VTI1A: variants seen among roughly 807,000 people sequenced by gnomAD.
VTI1A encodes vesicle transport through interaction with t-SNAREs homolog 1A.
Under a neutral mutation model 34.9 loss-of-function variants are expected in VTI1A, and 22 were observed. The observed-to-expected ratio is 0.63, with a 90% confidence interval of 0.45 to 0.90. The LOEUF (loss-of-function observed/expected upper bound fraction) is 0.90, where lower values mean the gene tolerates loss of function less well. Ranked by LOEUF, VTI1A falls within the 40% of genes least tolerant of loss-of-function variation. The probability of loss-of-function intolerance (pLI) is 0.00; values close to 1 mark genes in which losing one functional copy is unlikely to be tolerated. For missense variants in VTI1A, 268 were observed against 275.6 expected, an observed-to-expected ratio of 0.97 and a Z score of 0.20; for synonymous variants, 87 against 97.3, an observed-to-expected ratio of 0.89 and a Z score of 0.62.
At chr10:112,551,888 A>C (rs893752050) in intron 5 of VTI1A, among the ~76,000 whole-genome samples, 1 of 152,206 alleles carries the variant, frequency 6.6e-6, no homozygotes, top group Non-Finnish European at 1.5e-5. Flanking sequence ...GCTAACATTC[A>C]TCTTTTAACA....
intron 5 of VTI1A, among the ~76,000 whole-genome samples, chr10:112,667,224 T>C (rs1189216208): frequency 2.0e-5 from 3 of 152,140 alleles, no homozygotes; most frequent in South Asian, 2.1e-4. Context: ...ATTGTTGTTA[T>C]AGGTATGAGT....
chr10:112,469,151 CGT>C (rs1270970668), intron 3 of VTI1A, among the ~76,000 whole-genome samples: 1 of 152,096 alleles, frequency 6.6e-6, no homozygotes, highest in African/African-American at 2.4e-5. Context: ...TGCTTCTTCA[CGT>C]GTCTAATAAT....
Position 112,604,737 on chromosome 10 carries a change from T to G in VTI1A, c.428-63481T>G, listed in dbSNP as rs551045366. Among the ~76,000 whole-genome samples, 3 of 152,336 alleles carry G rather than the reference T, an allele frequency of 2.0e-5. No individual in the cohort carries two copies. In the East Asian group the frequency reaches 5.8e-4, roughly 29 times the overall value. ...TGTGTAAGTTAAAAGCCAGAAGAGA[T>G]ATAAAACATTACATTTCTGATTCTT... On this transcript the variant is annotated intron_variant, in intron 5 of 7. Coordinates refer to ENST00000393077, the MANE Select transcript of VTI1A (RefSeq NM_145206.4).
intron 4 of VTI1A, among the ~76,000 whole-genome samples, chr10:112,535,350 A>C (rs1589872800): frequency 6.6e-6 from 1 of 152,156 alleles, no homozygotes; most frequent in Non-Finnish European, 1.5e-5. Context: ...CTTGCTGAGG[A>C]GTGATTATTT....
intron 1 of VTI1A, among the ~76,000 whole-genome samples, chr10:112,447,991 C>T (rs1846997558): frequency 6.6e-6 from 1 of 152,016 alleles, no homozygotes; most frequent in East Asian, 1.9e-4. Context: ...GCCAAGATCT[C>T]GCCATTGCAC....
intron 7 of VTI1A, among the ~76,000 whole-genome samples, chr10:112,791,469 T>C (rs548808256): frequency 1.3e-5 from 2 of 152,286 alleles, no homozygotes; most frequent in South Asian, 4.1e-4. Flanking sequence ...CATCAGGTGA[T>C]TGGAGACTAT....
chr10:112,694,637 A>C (rs1332816581), intron 7 of VTI1A, among the ~76,000 whole-genome samples: 1 of 152,100 alleles, frequency 6.6e-6, no homozygotes, highest in Non-Finnish European at 1.5e-5. Context: ...AGTCTCAAAA[A>C]AAAAAAAATC....
chr10:112,587,305 GTAGT>G (rs1457454107), intron 5 of VTI1A, among the ~76,000 whole-genome samples: 1 of 152,116 alleles, frequency 6.6e-6, no homozygotes, highest in Non-Finnish European at 1.5e-5. Flanking sequence ...TACTGTTGCA[GTAGT>G]TAGTCACTGT....
At chr10:112,783,401 G>GCCCACACA (rs1491281369) in intron 7 of VTI1A, among the ~76,000 whole-genome samples, 1 of 150,310 alleles carries the variant, frequency 6.7e-6, no homozygotes, top group East Asian at 2.0e-4. Context: ...GCGTGCACGT[G>GCCCACACA]CACACACACA....
At chr10:112,712,743 C>A (rs1198691676) in intron 7 of VTI1A, among the ~76,000 whole-genome samples, 1 of 152,200 alleles carries the variant, frequency 6.6e-6, no homozygotes, top group Non-Finnish European at 1.5e-5. Context: ...ATTCTCCAAG[C>A]ATGTGAACTG....
chr10:112,590,771 A>G (rs1313135766), intron 5 of VTI1A, among the ~76,000 whole-genome samples: 1 of 152,184 alleles, frequency 6.6e-6, no homozygotes, highest in East Asian at 1.9e-4. Context: ...TATGCCCAAG[A>G]TAATAATTAA....
chr10:112,571,530 C>T (rs7923110), intron 5 of VTI1A, among the ~76,000 whole-genome samples: 7 of 152,224 alleles, frequency 4.6e-5, no homozygotes, highest in East Asian at 1.9e-4. Context: ...ACTTATACAC[C>T]GTTGGTGGGA....
chr10:112,696,639 T>G (rs1014308262), intron 7 of VTI1A, among the ~76,000 whole-genome samples: 1 of 152,214 alleles, frequency 6.6e-6, no homozygotes, highest in Non-Finnish European at 1.5e-5. Flanking sequence ...TCCTCTATTA[T>G]TTCCTTGGTC....
chr10:112,498,905 T>G (rs1849123689), intron 3 of VTI1A, among the ~76,000 whole-genome samples: 1 of 152,168 alleles, frequency 6.6e-6, no homozygotes, highest in African/African-American at 2.4e-5. Context: ...CCTAAATTAT[T>G]CTATTTTCAC....
At chr10:112,739,834 C>A (rs566828435) in intron 7 of VTI1A, among the ~76,000 whole-genome samples, 1 of 152,218 alleles carries the variant, frequency 6.6e-6, no homozygotes, top group African/African-American at 2.4e-5. Context: ...GGAGGATTAT[C>A]TTTCTTGTTG....
intron 1 of VTI1A, among the ~76,000 whole-genome samples, chr10:112,451,354 A>G (rs978645287): frequency 1.3e-5 from 2 of 152,240 alleles, no homozygotes; most frequent in East Asian, 1.9e-4. Context: ...TAATGATATT[A>G]CTGCTGCTGC....
At chr10:112,589,499 T>C (rs574688012) in intron 5 of VTI1A, among the ~76,000 whole-genome samples, 1 of 152,246 alleles carries the variant, frequency 6.6e-6, no homozygotes, top group South Asian at 2.1e-4. Context: ...TGCCCAGTCT[T>C]GGGTATGTCT....
At position 112,536,268 on chromosome 10, in the gene VTI1A, C is replaced by G. The variant is rs1180149643; in HGVS notation, c.343-1978C>G. ...TATTCTGGATTAAAATTCAGATTTACTTTTGATTTCACAGATCTGATTGAT... is the reference window on the plus strand; with the variant it reads ...TATTCTGGATTAAAATTCAGATTTAGTTTTGATTTCACAGATCTGATTGAT... On this transcript the variant is annotated intron_variant, in intron 4 of 7. Coordinates refer to ENST00000393077, the MANE Select transcript of VTI1A (RefSeq NM_145206.4). Among the ~76,000 whole-genome samples, 4 of 152,198 alleles carry G rather than the reference C, an allele frequency of 2.6e-5. No individual in the cohort carries two copies. In the East Asian group the frequency reaches 7.7e-4, roughly 29 times the overall value.
intron 7 of VTI1A, among the ~76,000 whole-genome samples, chr10:112,745,322 G>A (rs1263070939): frequency 6.6e-6 from 1 of 151,892 alleles, no homozygotes; most frequent in Non-Finnish European, 1.5e-5. Flanking sequence ...TAAGATTGTT[G>A]TCAAATGAAC....
Sources: gnomAD v4.1 joint callset for allele counts (sites outside exome capture counted in the v4.1 genomes callset) on GRCh38, gnomAD v4.1.1 for gene constraint, MANE v1.5 for transcripts, NCBI Gene and HGNC (gene_info 2026-07-23, HGNC 2026-07-21) for gene names.